MGAT3: variants seen among roughly 807,000 people sequenced by gnomAD.
MGAT3 encodes the protein GlcNAc-T III.
A neutral mutation model predicts 29.8 loss-of-function variants in MGAT3; 9 were observed. The ratio of observed to expected loss-of-function variants is 0.30; its 90% confidence interval spans 0.18 to 0.53. MGAT3 has a LOEUF of 0.53. Among genes scored for constraint, MGAT3 ranks in the 20% least tolerant of loss-of-function variants. MGAT3 has a pLI of 0.96. For missense variants in MGAT3, 557 were observed against 769.5 expected (o/e 0.72, Z 3.27); for synonymous variants, 397 against 348.9 (o/e 1.14, Z -1.54).
Position 39,483,292 on chromosome 22 carries a change from C to T in MGAT3, c.-1-4055C>T, listed in dbSNP as rs182139274. Reference sequence around the variant, plus strand: ...GGCAGATCACCTGAGGTCAGGAGTTCGAGACGAGCCTGACCAACATGGTGA... The same window carrying T: ...GGCAGATCACCTGAGGTCAGGAGTTTGAGACGAGCCTGACCAACATGGTGA... On this transcript the variant is annotated intron_variant, in intron 1 of 1. Coordinates refer to ENST00000341184, the MANE Select transcript of MGAT3 (RefSeq NM_002409.5). Among the ~76,000 whole-genome samples the T allele has an allele frequency of 7.7e-4, 117 of 152,178 alleles. 2 individuals carry two copies. The highest frequency in any genetic ancestry group is 6.8e-3 in the Admixed American group (104 of 15,284).
chr22:39,481,124 C>T (rs1054830276), intron 1 of MGAT3, among the ~76,000 whole-genome samples: 9 of 152,224 alleles, frequency 5.9e-5, no homozygotes, highest in African/African-American at 1.9e-4. Flanking sequence ...TGTTCCCTGC[C>T]CCCCATGTCC....
chr22:39,469,251 C>T (rs746551058), intron 1 of MGAT3, among the ~76,000 whole-genome samples: 5 of 152,034 alleles, frequency 3.3e-5, no homozygotes, highest in Admixed American at 2.6e-4. Context: ...GTCATCGGAG[C>T]GTCAGTCCCT....
rs766206316 is a variant in MGAT3, at chr22:39,487,818, G to T, written c.471G>T (p.Glu157Asp). ...CCCGGTACCTCCTGAGCGCCCGGGAGCGCACGGGGGGCCGAGGCGCCCGGC... is the reference window on the plus strand; with the variant it reads ...CCCGGTACCTCCTGAGCGCCCGGGATCGCACGGGGGGCCGAGGCGCCCGGC... Reference protein sequence around the residue: ...RPPRYLLSARERTGGRGARRK... With the variant: ...RPPRYLLSARDRTGGRGARRK... The change falls in exon 2 of 2, where the codon GAG becomes GAT. Residue 157 changes from glutamate (E) to aspartate (D), a missense_variant. Transcript: ENST00000341184. This position sits in a 1 kb window ranked among gnomAD's most constrained non-coding sequence, Gnocchi z 5.7. The T allele has an allele frequency of 8.7e-6, 13 of 1,499,368 alleles. No individual in the cohort carries two copies. The African/African-American group carries it at 1.8e-4, about 21-fold the overall frequency. The allele number at this position is 1,499,368 out of a possible 1,614,324, so 92.9% of individuals were successfully genotyped here.
chr22:39,459,353 C>T (rs953368087), intron 1 of MGAT3, among the ~76,000 whole-genome samples: 7 of 152,138 alleles, frequency 4.6e-5, no homozygotes, highest in African/African-American at 9.7e-5. Flanking sequence ...GGATTACAGG[C>T]GTGAGCCACC....
intron 1 of MGAT3, among the ~76,000 whole-genome samples, chr22:39,468,639 AG>A (rs1168091495): frequency 1.3e-4 from 20 of 152,280 alleles, no homozygotes; most frequent in African/African-American, 4.3e-4. Flanking sequence ...AGCCCCAGAC[AG>A]GCCTGAGAGC....
rs534795813 is a variant in MGAT3 at position 39,482,676 on chromosome 22, G to A, written c.-1-4671G>A. Among the ~76,000 whole-genome samples the A allele has an allele frequency of 2.0e-5, 3 of 152,314 alleles. No individual in the cohort carries two copies. In the South Asian group the frequency reaches 6.2e-4, roughly 32 times the overall value. ...GACAAAAAGGAATTGAGCTGAAAAG[G>A]ATTGAAACTATGCGGGCAGCTGCAA... On this transcript the variant is annotated intron_variant, in intron 1 of 1. Coordinates refer to ENST00000341184, the MANE Select transcript of MGAT3 (RefSeq NM_002409.5).
Position 39,488,615 on chromosome 22 carries a change from T to A in MGAT3, c.1268T>A (p.Phe423Tyr). Residue 423 changes from phenylalanine (F) to tyrosine (Y), a missense_variant, in exon 2 of 2, where the codon TTC becomes TAC. Physicochemically the swap from Phe to Tyr is conservative, Grantham distance 22. Transcript: ENST00000341184. ...HFAGWHCSWCFTPEGIYFKLV... is the reference protein window; with the variant it reads ...HFAGWHCSWCYTPEGIYFKLV... ...GCCGGCTGGCACTGCTCCTGGTGCT[T>A]CACGCCCGAGGGCATCTACTTCAAG... is the stretch of plus-strand genomic sequence containing the variant. The A allele has an allele frequency of 1.2e-6, 2 of 1,613,340 alleles. No individual in the cohort carries two copies. The highest frequency in any genetic ancestry group is 1.7e-6 in the Non-Finnish European group (2 of 1,179,998).
chr22:39,463,643 G>T (rs1928557068), intron 1 of MGAT3, among the ~76,000 whole-genome samples: 3 of 152,038 alleles, frequency 2.0e-5, no homozygotes, highest in Admixed American at 2.0e-4. Flanking sequence ...ATACTGACTT[G>T]GACTCCCAAA....
At chr22:39,466,461 G>C (rs370070692) in intron 1 of MGAT3, among the ~76,000 whole-genome samples, 1 of 152,142 alleles carries the variant, frequency 6.6e-6, no homozygotes, top group South Asian at 2.1e-4. Flanking sequence ...TCCTTCCTCC[G>C]GGGCTGGTCC....
At chr22:39,485,848 A>G (rs1162138287) in intron 1 of MGAT3, among the ~76,000 whole-genome samples, 3 of 152,244 alleles carry the variant, frequency 2.0e-5, no homozygotes, top group Non-Finnish European at 2.9e-5. Context: ...ATGAGAATAT[A>G]CAAGCATCTC....
At chr22:39,466,918 T>C (rs1928663652) in intron 1 of MGAT3, among the ~76,000 whole-genome samples, 1 of 152,230 alleles carries the variant, frequency 6.6e-6, no homozygotes. Context: ...CAGTACACTT[T>C]GTGCCCGGTA....
At chr22:39,470,143 T>A (rs1418723141) in intron 1 of MGAT3, among the ~76,000 whole-genome samples, 1 of 152,124 alleles carries the variant, frequency 6.6e-6, no homozygotes, top group Non-Finnish European at 1.5e-5. Context: ...TCCTGTGGCC[T>A]CGCCAGCAGG....
intron 1 of MGAT3, among the ~76,000 whole-genome samples, chr22:39,464,490 A>C (rs1273938208): frequency 6.6e-6 from 1 of 151,490 alleles, no homozygotes; most frequent in African/African-American, 2.4e-5. Context: ...CCCAGGCTGG[A>C]GTGCAGTGGC....
chr22:39,460,940 A>G (rs1420581093), intron 1 of MGAT3, among the ~76,000 whole-genome samples: 1 of 152,030 alleles, frequency 6.6e-6, no homozygotes, highest in African/African-American at 2.4e-5. Context: ...AGACTACACC[A>G]CCTGCCCTTC....
intron 1 of MGAT3, among the ~76,000 whole-genome samples, chr22:39,486,552 G>T (rs1929278049): frequency 6.6e-6 from 1 of 152,150 alleles, no homozygotes; most frequent in Non-Finnish European, 1.5e-5. Context: ...CCAGGCTGGG[G>T]CGCAGTGGTG....
chr22:39,484,941 T>G (rs1021097543), intron 1 of MGAT3, among the ~76,000 whole-genome samples: 10 of 152,036 alleles, frequency 6.6e-5, no homozygotes, highest in African/African-American at 2.4e-4. Flanking sequence ...AGATGGAAGT[T>G]GCAGCGAGCC....
chr22:39,464,584 A>G (rs3959642), intron 1 of MGAT3, among the ~76,000 whole-genome samples: 121,779 of 151,280 alleles, frequency 0.8, 49,671 homozygotes, highest in East Asian at 1. Flanking sequence ...GGGATTATAG[A>G]CGCCCACCAC....
At chr22:39,475,586 C>T (rs560165546) in intron 1 of MGAT3, among the ~76,000 whole-genome samples, 1 of 152,206 alleles carries the variant, frequency 6.6e-6, no homozygotes, top group Admixed American at 6.5e-5. Context: ...ACCACTGCCC[C>T]GCCCCTGGCC....
At chr22:39,458,269 C>T (rs907582316) in intron 1 of MGAT3, among the ~76,000 whole-genome samples, 1 of 151,910 alleles carries the variant, frequency 6.6e-6, no homozygotes, top group Non-Finnish European at 1.5e-5. Flanking sequence ...TGGTGGGGTT[C>T]CTGAGCTGGG....
Sources: allele counts gnomAD v4.1 joint callset (sites outside exome capture counted in the v4.1 genomes callset), GRCh38; gene constraint gnomAD v4.1.1; non-coding constraint Gnocchi (gnomAD v3.1); transcripts MANE v1.5; gene names NCBI Gene and HGNC (gene_info 2026-07-23, HGNC 2026-07-21).